The following AGMO variants were observed in gnomAD, a reference collection of about 807,000 sequenced individuals.
AGMO encodes alkylglycerol monooxygenase.
AGMO carries 75 observed loss-of-function variants against 60.2 expected under a neutral mutation model. The observed-to-expected ratio is 1.25, with a 90% CI of 1.03 to 1.51. AGMO has a LOEUF of 1.51. AGMO is among the 40% of genes most tolerant of loss of function. The probability of loss-of-function intolerance (pLI) is 0.00; values close to 1 mark genes in which losing one functional copy is unlikely to be tolerated. For synonymous variants in AGMO, 261 were observed against 177.1 expected, an observed-to-expected ratio of 1.47 and a Z score of -3.76; for missense variants, 763 against 525.5, an observed-to-expected ratio of 1.45 and a Z score of -4.42.
intron 5 of AGMO, 106 bp downstream of exon 5, chr7:15,418,452 C>G: frequency 3.0e-6 from 2 of 673,590 alleles, no homozygotes. Context: ...TTAGAAAAGG[C>G]AGACAAAGAT....
At chr7:15,172,597 C>CT in the AGMO span, among the ~76,000 whole-genome samples, 11 of 151,740 alleles carry the variant, frequency 7.2e-5, no homozygotes, top group African/African-American at 2.2e-4. Flanking sequence ...GTTGAGTACA[C>CT]TTTTTTTTTA....
the AGMO span, among the ~76,000 whole-genome samples, chr7:15,154,545 C>A: frequency 6.6e-6 from 1 of 152,144 alleles, no homozygotes. Context: ...TTGGGTCTTG[C>A]TTCTTTATCT....
At chr7:15,258,781 G>C (rs535990716) in intron 12 of AGMO, among the ~76,000 whole-genome samples, 2 of 152,122 alleles carry the variant, frequency 1.3e-5, no homozygotes, top group East Asian at 3.9e-4. Flanking sequence ...TACCATCCCA[G>C]AGCCCTGTAG....
At chr7:15,149,651 T>C in the AGMO span, among the ~76,000 whole-genome samples, 1 of 152,174 alleles carries the variant, frequency 6.6e-6, no homozygotes, top group Non-Finnish European at 1.5e-5. Flanking sequence ...CTGGGTTCTC[T>C]AACCTGTTCT....
chr7:15,292,748 T>C (rs939858173), intron 12 of AGMO, among the ~76,000 whole-genome samples: 2 of 139,840 alleles, frequency 1.4e-5, no homozygotes, highest in African/African-American at 2.9e-5. Context: ...TCCTTTTTTT[T>C]TCCTTTTTTT....
chr7:15,299,045 C>A (rs938696245), intron 12 of AGMO, among the ~76,000 whole-genome samples: 1 of 152,096 alleles, frequency 6.6e-6, no homozygotes, highest in African/African-American at 2.4e-5. Context: ...AGTGTTACCT[C>A]TTTTTGAAAT....
intron 12 of AGMO, among the ~76,000 whole-genome samples, chr7:15,360,443 T>C (rs905825771): frequency 1.3e-5 from 2 of 152,194 alleles, no homozygotes; most frequent in African/African-American, 4.8e-5. Context: ...GATTAACACA[T>C]ATTCTGTATG....
the AGMO span, among the ~76,000 whole-genome samples, chr7:15,153,992 T>C: frequency 6.6e-6 from 1 of 152,062 alleles, no homozygotes; most frequent in Non-Finnish European, 1.5e-5. Context: ...CCACTTGCAC[T>C]ACTTCTATTC....
intron 3 of AGMO, among the ~76,000 whole-genome samples, chr7:15,453,422 G>A (rs1781907204): frequency 6.6e-6 from 1 of 152,214 alleles, no homozygotes; most frequent in South Asian, 2.1e-4. Flanking sequence ...ACTTCACAGT[G>A]TAGTGGAGAA....
At chr7:15,455,341 T>C (rs1781974148) in intron 3 of AGMO, among the ~76,000 whole-genome samples, 1 of 152,132 alleles carries the variant, frequency 6.6e-6, no homozygotes, top group African/African-American at 2.4e-5. Context: ...CTCCTATTAA[T>C]ATATTCAAAT....
At chr7:15,522,482 GTAC>G (rs1784023478) in intron 3 of AGMO, among the ~76,000 whole-genome samples, 1 of 152,074 alleles carries the variant, frequency 6.6e-6, no homozygotes, top group Non-Finnish European at 1.5e-5. Flanking sequence ...AAACAGCATG[GTAC>G]TAGTACCAAA....
At chr7:15,394,269 T>TA (rs1784277489) in intron 5 of AGMO, 90 bp from the exon 6 acceptor site, 3 of 1,004,422 alleles carry the variant, frequency 3.0e-6, no homozygotes, top group Non-Finnish European at 4.6e-6. Flanking sequence ...TCACATAAAT[T>TA]AAGAGATATT....
intron 8 of AGMO, among the ~76,000 whole-genome samples, chr7:15,389,344 A>G (rs751571597): frequency 7.9e-5 from 12 of 152,216 alleles, no homozygotes; most frequent in Non-Finnish European, 1.3e-4. Context: ...GACAACTCCT[A>G]TATGAAGAAA....
intron 12 of AGMO, among the ~76,000 whole-genome samples, chr7:15,349,206 C>T (rs879755996): frequency 5.3e-5 from 8 of 152,084 alleles, no homozygotes; most frequent in Non-Finnish European, 1.2e-4. Flanking sequence ...TCTTTAACAC[C>T]TGTTGTCATT....
At chr7:15,445,451 C>G (rs1781675577) in intron 3 of AGMO, among the ~76,000 whole-genome samples, 1 of 152,034 alleles carries the variant, frequency 6.6e-6, no homozygotes, top group Admixed American at 6.6e-5. Context: ...GTTAGAATAT[C>G]AAACTTGGAG....
At chr7:15,182,761 T>TA in the AGMO span, among the ~76,000 whole-genome samples, 1 of 152,152 alleles carries the variant, frequency 6.6e-6, no homozygotes, top group African/African-American at 2.4e-5. Flanking sequence ...TTGCTATAAA[T>TA]AAATACCTGA....
chr7:15,242,203 A>G (rs1360289473), intron 12 of AGMO, among the ~76,000 whole-genome samples: 1 of 152,154 alleles, frequency 6.6e-6, no homozygotes, highest in African/African-American at 2.4e-5. Context: ...TATCATATTC[A>G]CAAATCTAAG....
chr7:15,519,486 G>C (rs1210093437), intron 3 of AGMO, among the ~76,000 whole-genome samples: 1 of 152,172 alleles, frequency 6.6e-6, no homozygotes, highest in Non-Finnish European at 1.5e-5. Flanking sequence ...AGCCAGAAGA[G>C]AGTGAGGGCC....
Position 15,560,123 on chromosome 7 carries a change from G to T in AGMO, c.257+18C>A. The T allele has an allele frequency of 1.3e-6, 2 of 1,593,480 alleles. No homozygotes were observed. Among genetic ancestry groups the T allele is most frequent in the East Asian group, 2.3e-5 (1 of 44,094 alleles). ...AATTTCAGTTTTTATGCTCAGCGTT[G>T]TTGACCATCTAACTCACCTTGGAAG... On this transcript the variant is annotated intron_variant, in intron 2 of 12. Coordinates refer to ENST00000342526, the MANE Select transcript of AGMO (RefSeq NM_001004320.2).
Sources: allele counts gnomAD v4.1 joint callset (sites outside exome capture counted in the v4.1 genomes callset), GRCh38; gene constraint gnomAD v4.1.1; transcripts MANE v1.5; gene names NCBI Gene and HGNC (gene_info 2026-07-23, HGNC 2026-07-21).